SPTBN1: variants seen among roughly 807,000 people sequenced by gnomAD.
SPTBN1 encodes spectrin beta, non-erythrocytic 1, also known as spectrin beta chain, non-erythrocytic 1.
In SPTBN1, 32 loss-of-function variants were observed where a neutral mutation model predicts 266.4. The observed-to-expected ratio is 0.12, with a 90% CI of 0.09 to 0.16. The LOEUF is 0.16. Ranked by LOEUF, SPTBN1 falls within the 10% of genes least tolerant of loss-of-function variation. The probability of loss-of-function intolerance (pLI) is 1.00; values close to 1 mark genes in which losing one functional copy is unlikely to be tolerated. For missense variants in SPTBN1, 2,296 were observed against 3,067.1 expected (o/e 0.75, Z 5.94); for synonymous variants, 1,336 against 1,162.2 (o/e 1.15, Z -3.04).
intron 4 of SPTBN1, among the ~76,000 whole-genome samples, chr2:54,615,914 T>G (rs1463032086): frequency 6.6e-6 from 1 of 152,224 alleles, no homozygotes; most frequent in Non-Finnish European, 1.5e-5. Context: ...TATGAACCCC[T>G]GTGCTAGATT....
chr2:54,661,626 C>T (rs1558481791), intron 32 of SPTBN1: 1 of 985,590 alleles, frequency 1.0e-6, no homozygotes, highest in Non-Finnish European at 1.2e-6. Flanking sequence ...TCATTTTAGA[C>T]AAAAAAACTT....
intron 2 of SPTBN1, among the ~76,000 whole-genome samples, chr2:54,539,105 A>G (rs1275449443): frequency 6.6e-6 from 1 of 152,168 alleles, no homozygotes; most frequent in Non-Finnish European, 1.5e-5. Context: ...GTGTGTACTT[A>G]GGTGGGTGTA....
intron 1 of SPTBN1, among the ~76,000 whole-genome samples, chr2:54,511,754 C>G (rs558094282): frequency 6.6e-6 from 1 of 151,992 alleles, no homozygotes; most frequent in East Asian, 1.9e-4. Flanking sequence ...GCAATCCCAG[C>G]TAGGGATTGC....
chr2:54,608,666 A>T lies in SPTBN1; in HGVS notation c.301-3495A>T, dbSNP rs117565064. On this transcript the variant is annotated intron_variant, in intron 3 of 35. Coordinates refer to ENST00000356805, the MANE Select transcript of SPTBN1 (RefSeq NM_003128.3). Reference sequence around the variant, plus strand: ...TGGTGTTGGTACAACAGATAATAGAAACCCATTTTGTGTGCGTGTGTGTGC... The same window carrying T: ...TGGTGTTGGTACAACAGATAATAGATACCCATTTTGTGTGCGTGTGTGTGC... Among the ~76,000 whole-genome samples, 95 of 151,682 alleles carry T rather than the reference A, an allele frequency of 6.3e-4. 1 individual carries two copies. The East Asian group carries it at 0.014, about 23-fold the overall frequency.
At chr2:54,596,501 T>C (rs192264064) in intron 2 of SPTBN1, among the ~76,000 whole-genome samples, 3 of 152,172 alleles carry the variant, frequency 2.0e-5, no homozygotes, top group Admixed American at 2.0e-4. Context: ...TTGATTCTGG[T>C]CTGGTCCCCG....
At chr2:54,590,981 G>A (rs1035762174) in intron 2 of SPTBN1, among the ~76,000 whole-genome samples, 4 of 152,224 alleles carry the variant, frequency 2.6e-5, no homozygotes, top group Non-Finnish European at 5.9e-5. Flanking sequence ...CAAGGCAGGG[G>A]AGTTCAGTTG....
chr2:54,524,345 TC>T (rs1318516798), intron 1 of SPTBN1, among the ~76,000 whole-genome samples: 2 of 152,122 alleles, frequency 1.3e-5, no homozygotes, highest in Admixed American at 6.6e-5. Context: ...TGAGCCTGTT[TC>T]CCCCCAGTGA....
chr2:54,628,288 C>G lies in SPTBN1; in HGVS notation c.1798+38C>G, dbSNP rs1434655704. On this transcript the variant is annotated intron_variant, in intron 13 of 35. Transcript: ENST00000356805. The surrounding 1 kb of genome is among the most constrained non-coding windows in gnomAD (Gnocchi z 4.3). ...CATTCCAAGCATTACCTCCGGGTCA[C>G]CAGAGATTCATATTTATAGAAACAC... 6.4e-7 allele frequency: 1 copy of G among 1,571,682 alleles called. No individual in the cohort carries two copies. The highest frequency in any genetic ancestry group is 8.6e-7 in the Non-Finnish European group (1 of 1,159,682).
rs373111088 is a variant in SPTBN1 at position 54,622,483 on chromosome 2, C to G, written c.1060C>G (p.Pro354Ala). 6.2e-7 allele frequency: 1 copy of G among 1,613,656 alleles called. No individual in the cohort carries two copies. Among genetic ancestry groups the G allele is most frequent in the Non-Finnish European group, 8.5e-7 (1 of 1,179,794 alleles). Residue 354 changes from proline (P) to alanine (A), a missense_variant, in exon 9 of 36, where the codon CCC becomes GCC. By Grantham distance (27) the Pro-to-Ala change is conservative. Transcript: ENST00000356805. ...CACTTACCGCACTGTGGAGAAACCACCCAAGTAAGATGCATATTGTAGTGT... is the reference window on the plus strand; with the variant it reads ...CACTTACCGCACTGTGGAGAAACCAGCCAAGTAAGATGCATATTGTAGTGT... ...FNTYRTVEKP[P>A]KFTEKGNLEV... is the part of the protein sequence containing the mutation.
At position 54,543,009 on chromosome 2, in the gene SPTBN1, C is replaced by T. The variant is rs538738024; in HGVS notation, c.148+16443C>T. 1.4e-4 allele frequency among the ~76,000 whole-genome samples: 22 copies of T among 152,318 alleles called. No individual in the cohort carries two copies. In the South Asian group the frequency reaches 4.6e-3, roughly 32 times the overall value. On this transcript the variant is annotated intron_variant, in intron 2 of 35. Coordinates refer to ENST00000356805, the MANE Select transcript of SPTBN1 (RefSeq NM_003128.3). ...TGGAAACTGTATGGGCCCTGAGGCT[C>T]TCTCAGTCTGCCTGTCTGAATACAC... is the stretch of plus-strand genomic sequence containing the variant.
intron 3 of SPTBN1, among the ~76,000 whole-genome samples, chr2:54,610,784 G>A (rs1222538603): frequency 2.0e-5 from 3 of 152,184 alleles, no homozygotes; most frequent in Non-Finnish European, 4.4e-5. Context: ...CTTCTTGGGA[G>A]TACTTCCAGC....
At chr2:54,579,834 A>G (rs1300212111) in intron 2 of SPTBN1, among the ~76,000 whole-genome samples, 3 of 152,244 alleles carry the variant, frequency 2.0e-5, no homozygotes, top group Admixed American at 6.5e-5. Context: ...GAGAGATCCT[A>G]AAACTCTGAA....
At chr2:54,494,340 A>C (rs1668852112) in intron 1 of SPTBN1, among the ~76,000 whole-genome samples, 1 of 152,222 alleles carries the variant, frequency 6.6e-6, no homozygotes, top group Admixed American at 6.5e-5. Context: ...AACAAATTAC[A>C]GTATGACCTG....
At position 54,649,606 on chromosome 2, in the gene SPTBN1, C is replaced by T. The variant is rs1463031824; in HGVS notation, c.5203-9C>T. On this transcript the variant is annotated splice_polypyrimidine_tract_variant and intron_variant, in intron 25 of 35. Transcript: ENST00000356805. The surrounding 1 kb of genome is among the most constrained non-coding windows in gnomAD (Gnocchi z 6.7). ...GGCTCTCTGATTTCCTTACCCATCC[C>T]CGTTTCAGATGTTACAAGAACGATT... The T allele has an allele frequency of 6.2e-7, 1 of 1,602,754 alleles. No homozygotes were observed. Among genetic ancestry groups the T allele is most frequent in the Admixed American group, 1.7e-5 (1 of 59,850 alleles).
At chr2:54,641,101 G>C (rs1327156312) in intron 18 of SPTBN1, among the ~76,000 whole-genome samples, 1 of 152,182 alleles carries the variant, frequency 6.6e-6, no homozygotes, top group Non-Finnish European at 1.5e-5. Context: ...TTTCTGCAGA[G>C]AATGAGTAAA....
intron 2 of SPTBN1, among the ~76,000 whole-genome samples, chr2:54,574,230 ATC>A (rs962922305): frequency 6.6e-6 from 1 of 152,150 alleles, no homozygotes; most frequent in African/African-American, 2.4e-5. Context: ...GTCAGGCGTT[ATC>A]TCTGTTTACA....
chr2:54,466,896 A>T (rs1693663639), intron 1 of SPTBN1, among the ~76,000 whole-genome samples: 1 of 152,248 alleles, frequency 6.6e-6, no homozygotes, highest in Non-Finnish European at 1.5e-5. Context: ...TATAAAGAAC[A>T]CTGAAATTTT....
intron 3 of SPTBN1, among the ~76,000 whole-genome samples, 167 bp from the exon 4 acceptor site, chr2:54,611,994 C>G (rs1012477619): frequency 2.0e-5 from 3 of 152,066 alleles, no homozygotes; most frequent in African/African-American, 4.8e-5. Flanking sequence ...TTTCTGTGGC[C>G]GTTAGGTAAA....
rs373783682 is a variant in SPTBN1, at chr2:54,601,529, A to AG, written c.300+2288dup. ...GCATATTCAGATTCCAGAACTAATG[A>AG]GGTGGTTAGAGCTTCCAGGCCTGGG... On this transcript the variant is annotated intron_variant, in intron 3 of 35. Transcript: ENST00000356805. Among the ~76,000 whole-genome samples, 395 of 152,262 alleles carry AG rather than the reference A, an allele frequency of 2.6e-3. 1 individual carries two copies. The highest frequency in any genetic ancestry group is 4.4e-3 in the Non-Finnish European group (298 of 68,026).
Sources: gnomAD v4.1 joint callset for allele counts (sites outside exome capture counted in the v4.1 genomes callset) on GRCh38, gnomAD v4.1.1 for gene constraint, Gnocchi (gnomAD v3.1) non-coding constraint, MANE v1.5 for transcripts, NCBI Gene and HGNC (gene_info 2026-07-23, HGNC 2026-07-21) for gene names.